CNOT6L: variants seen among roughly 807,000 people sequenced by gnomAD.
CNOT6L encodes CCR4-NOT transcription complex subunit 6 like.
CNOT6L carries 7 observed loss-of-function variants against 64.0 expected under a neutral mutation model. That is an observed-to-expected ratio of 0.11 (90% CI 0.06 to 0.21). The LOEUF (loss-of-function observed/expected upper bound fraction) is 0.21. CNOT6L is among the 10% of genes least tolerant of loss of function. The probability of loss-of-function intolerance (pLI) is 1.00; values close to 1 mark genes in which losing one functional copy is unlikely to be tolerated. For synonymous variants in CNOT6L, 193 were observed against 243.4 expected (o/e 0.79, Z 1.93); for missense variants, 245 against 669.0 (o/e 0.37, Z 6.99).
At chr4:77,743,847 C>T (rs1723887159) in intron 7 of CNOT6L, among the ~76,000 whole-genome samples, 1 of 152,008 alleles carries the variant, frequency 6.6e-6, no homozygotes, top group South Asian at 2.1e-4. Flanking sequence ...AGGGATCCAC[C>T]CGCCTCGGCC....
Position 77,754,888 on chromosome 4 carries a change from T to TAAAAAAAAAAAAAAAAAAAAAAAA in CNOT6L, c.490+1950_490+1973dup. Among the ~76,000 whole-genome samples the TAAAAAAAAAAAAAAAAAAAAAAAA allele has an allele frequency of 1.5e-3, 54 of 36,948 alleles. 7 individuals carry two copies. Among genetic ancestry groups the TAAAAAAAAAAAAAAAAAAAAAAAA allele is most frequent in the Admixed American group, 2.2e-3 (5 of 2,282 alleles). 24.2% of individuals were successfully genotyped at this position (36,948 alleles called of 152,430 possible). ...AAAACCTAATTCTAAACATTAGAAG[T>TAAAAAAAAAAAAAAAAAAAAAAAA]AAAAAAAAAAAAAAAAAAAAAAAAA... On this transcript the variant is annotated intron_variant, in intron 5 of 11. Coordinates refer to ENST00000504123, the MANE Select transcript of CNOT6L (RefSeq NM_144571.3).
chr4:77,724,544 G>A (rs1161490704), intron 11 of CNOT6L, among the ~76,000 whole-genome samples: 1 of 151,392 alleles, frequency 6.6e-6, no homozygotes, highest in Non-Finnish European at 1.5e-5. Flanking sequence ...GGAGGCAGAG[G>A]TAGGAGGATG....
At chr4:77,722,615 C>T (rs193128903) in intron 11 of CNOT6L, among the ~76,000 whole-genome samples, 152 of 152,224 alleles carry the variant, frequency 1.0e-3, no homozygotes, top group African/African-American at 3.5e-3. Context: ...TCTTTGCAAA[C>T]GTAGGCCCCA....
chr4:77,745,100 TGA>T (rs1036447257), intron 6 of CNOT6L, among the ~76,000 whole-genome samples: 20 of 152,350 alleles, frequency 1.3e-4, no homozygotes, highest in African/African-American at 4.6e-4. Context: ...AGCTTATATT[TGA>T]GAGTTTTAAG....
chr4:77,774,813 C>A, intron 2 of CNOT6L, 97 bp from the exon 3 acceptor site: 2 of 679,004 alleles, frequency 2.9e-6, no homozygotes, highest in Non-Finnish European at 4.7e-6. Flanking sequence ...GCTGCAAATA[C>A]ACATGGATAT....
chr4:77,715,586 T>G lies in CNOT6L; in HGVS notation c.*4845A>C, dbSNP rs1720657077. On this transcript the variant is annotated 3_prime_UTR_variant, in exon 12 of 12. Coordinates refer to ENST00000504123, the MANE Select transcript of CNOT6L (RefSeq NM_144571.3). The stretch of plus-strand genomic sequence containing the variant: ...GTATTTTCCTGGTTATCACCCTATT[T>G]CCTGGTGTAGGACCTGGGGTTTAAT... The G allele has an allele frequency of 6.6e-6, 1 of 152,216 alleles. No individual in the cohort carries two copies. The highest frequency in any genetic ancestry group is 6.6e-5 in the Admixed American group (1 of 15,234). The allele number at this position is 152,216 out of a possible 1,614,324, so 9.4% of individuals were successfully genotyped here.
intron 5 of CNOT6L, 126 bp from the exon 6 acceptor site, chr4:77,748,510 T>C (rs1167595849): frequency 3.0e-6 from 2 of 666,338 alleles, no homozygotes; most frequent in African/African-American, 3.6e-5. Flanking sequence ...CTTAATCTAA[T>C]GCTGAAATTT....
At chr4:77,768,517 T>A (rs1577965745) in intron 4 of CNOT6L, among the ~76,000 whole-genome samples, 2 of 123,464 alleles carry the variant, frequency 1.6e-5, no homozygotes, top group African/African-American at 3.4e-5. Flanking sequence ...ATATATATAT[T>A]CTACTCATTA....
chr4:77,774,432 TACAAC>T (rs1727940186), intron 3 of CNOT6L, 93 bp downstream of exon 3: 1 of 969,896 alleles, frequency 1.0e-6, no homozygotes, highest in Non-Finnish European at 1.5e-6. Context: ...ATTTGATAGT[TACAAC>T]ACACAGAAAT....
rs1401328476 is a variant in CNOT6L, at chr4:77,760,428, T to C, written c.401-3477A>G. Among the ~76,000 whole-genome samples, 3 of 151,708 alleles carry C rather than the reference T, an allele frequency of 2.0e-5. No homozygotes were observed. In the East Asian group the frequency reaches 5.8e-4, roughly 29 times the overall value. On this transcript the variant is annotated intron_variant, in intron 4 of 11. Transcript: ENST00000504123. Reference sequence around the variant, plus strand: ...GAGTTAAAATGGAAACATGACACTATCAAAATTTGTAGGATATGGAAAAAC... The same window carrying C: ...GAGTTAAAATGGAAACATGACACTACCAAAATTTGTAGGATATGGAAAAAC...
intron 1 of CNOT6L, among the ~76,000 whole-genome samples, chr4:77,814,914 GA>G (rs879775952): frequency 4.6e-5 from 7 of 152,152 alleles, no homozygotes; most frequent in Non-Finnish European, 8.8e-5. Flanking sequence ...GTTAGTAAAA[GA>G]AAGTTGTAGT....
At chr4:77,734,408 C>T (rs1229464096) in intron 8 of CNOT6L, among the ~76,000 whole-genome samples, 3 of 152,096 alleles carry the variant, frequency 2.0e-5, no homozygotes, top group Non-Finnish European at 2.9e-5. Flanking sequence ...AGGGACATTT[C>T]CTATAACATT....
At chr4:77,750,992 G>A (rs1724792152) in intron 5 of CNOT6L, among the ~76,000 whole-genome samples, 1 of 152,006 alleles carries the variant, frequency 6.6e-6, no homozygotes, top group Admixed American at 6.6e-5. Flanking sequence ...AAATGTCCAG[G>A]GTACAAATAA....
chr4:77,816,673 T>C (rs1395097553), intron 1 of CNOT6L, among the ~76,000 whole-genome samples: 1 of 152,208 alleles, frequency 6.6e-6, no homozygotes, highest in Admixed American at 6.5e-5. Flanking sequence ...AAATAATATT[T>C]TTTAAAGCTT....
chr4:77,813,333 T>G (rs202234669), intron 1 of CNOT6L, among the ~76,000 whole-genome samples: 1 of 110,914 alleles, frequency 9.0e-6, no homozygotes, highest in Admixed American at 9.6e-5. Flanking sequence ...GAAATAGATA[T>G]ATTAGATAGA....
chr4:77,791,816 A>G (rs766482630), intron 1 of CNOT6L, among the ~76,000 whole-genome samples: 7 of 152,192 alleles, frequency 4.6e-5, no homozygotes, highest in Non-Finnish European at 1.0e-4. Flanking sequence ...AAATATTCCG[A>G]TAAGGAAAAC....
At chr4:77,721,588 A>G (rs1311259793) in intron 11 of CNOT6L, among the ~76,000 whole-genome samples, 1 of 152,190 alleles carries the variant, frequency 6.6e-6, no homozygotes, top group African/African-American at 2.4e-5. Context: ...AATGAAAACA[A>G]ATTTTTTTAT....
intron 1 of CNOT6L, among the ~76,000 whole-genome samples, chr4:77,808,130 C>T (rs1732464699): frequency 6.6e-6 from 1 of 151,938 alleles, no homozygotes; most frequent in South Asian, 2.1e-4. Context: ...TTGCATGACC[C>T]AAAAAGCCAA....
At chr4:77,767,971 C>T (rs1289924912) in intron 4 of CNOT6L, among the ~76,000 whole-genome samples, 2 of 118,516 alleles carry the variant, frequency 1.7e-5, no homozygotes, top group Admixed American at 1.0e-4. Context: ...CAGAGCGAGA[C>T]TTTGTCCCCA....
Sources: gnomAD v4.1 joint callset for allele counts (sites outside exome capture counted in the v4.1 genomes callset) on GRCh38, gnomAD v4.1.1 for gene constraint, MANE v1.5 for transcripts, NCBI Gene and HGNC (gene_info 2026-07-23, HGNC 2026-07-21) for gene names.